The following CUX1 variants were observed in gnomAD, a reference collection of about 807,000 sequenced individuals.
The protein encoded by CUX1 is protein CASP.
CUX1 carries 31 observed loss-of-function variants against 158.8 expected under a neutral mutation model. The ratio of observed to expected loss-of-function variants is 0.20; its 90% confidence interval spans 0.15 to 0.26. CUX1 has a LOEUF of 0.26. Ranked by LOEUF, CUX1 falls within the 10% of genes least tolerant of loss-of-function variation. The pLI is 1.00. For synonymous variants in CUX1, 879 were observed against 862.1 expected (o/e 1.02, Z -0.34); for missense variants, 1,589 against 2,014.6 (o/e 0.79, Z 4.04).
intron 4 of CUX1, among the ~76,000 whole-genome samples, chr7:102,096,847 G>A (rs186712574): frequency 5.9e-5 from 9 of 152,266 alleles, no homozygotes; most frequent in African/African-American, 1.2e-4. Flanking sequence ...CCTCTTTCTC[G>A]AGATTGTTGT....
At chr7:102,274,124 CG>C (rs1563525589) in intron 15 of CUX1, 1 of 933,028 alleles carries the variant, frequency 1.1e-6, no homozygotes, top group South Asian at 1.3e-5. Flanking sequence ...GCCTGCACCC[CG>C]GATGGCCCCA....
chr7:102,174,055 A>AGC (rs1159409523), intron 10 of CUX1, among the ~76,000 whole-genome samples: 2 of 152,128 alleles, frequency 1.3e-5, no homozygotes, highest in Non-Finnish European at 2.9e-5. Context: ...CTAGAAGGTG[A>AGC]GCGGTCACTG....
At chr7:101,852,172 C>T (rs1380603311) in intron 1 of CUX1, among the ~76,000 whole-genome samples, 1 of 151,974 alleles carries the variant, frequency 6.6e-6, no homozygotes, top group African/African-American at 2.4e-5. Context: ...GATGTGTTTT[C>T]TGCAGGAATT....
Position 102,201,024 on chromosome 7 carries a change from C to CAAAAAAAAAAAAAAAAAAAAAAAAAAAAA in CUX1, c.2063-336_2063-335insAAAAAAAAAAAAAAAAAAAAAAAAAAAAA, listed in dbSNP as rs1795369830. Among the ~76,000 whole-genome samples the CAAAAAAAAAAAAAAAAAAAAAAAAAAAAA allele has an allele frequency of 2.3e-5, 1 of 42,830 alleles. No homozygotes were observed. The highest frequency in any genetic ancestry group is 9.4e-5 in the African/African-American group (1 of 10,678). The allele number at this position is 42,830 out of a possible 152,430, so 28.1% of individuals were successfully genotyped here. On this transcript the variant is annotated intron_variant, in intron 17 of 23. Transcript: ENST00000292535. The surrounding 1 kb of genome is among the most constrained non-coding windows in gnomAD (Gnocchi z 5.0). ...CCTGGACAACAGCGAGATCCTGTCG[C>CAAAAAAAAAAAAAAAAAAAAAAAAAAAAA]TAAAAAAAAAAAAAAAAAAAAAAAA...
chr7:101,969,714 A>C (rs1811701490), intron 2 of CUX1, among the ~76,000 whole-genome samples: 1 of 152,142 alleles, frequency 6.6e-6, no homozygotes, highest in Non-Finnish European at 1.5e-5. Flanking sequence ...AAGAAACCCA[A>C]ACTCCTAAAA....
At position 101,890,803 on chromosome 7, in the gene CUX1, AGGCTGT is replaced by A. The variant is rs955275553; in HGVS notation, c.31-25305_31-25300del. ...GGGCAAGTTAACCTCGAACTCTTCC[AGGCTGT>A]GGCTGTTACCGTCACCATCTCCTGC... On this transcript the variant is annotated intron_variant, in intron 1 of 23. Coordinates refer to ENST00000292535, the MANE Select transcript of CUX1 (RefSeq NM_181552.4). Among the ~76,000 whole-genome samples the A allele has an allele frequency of 2.8e-4, 43 of 152,210 alleles. 1 individual carries two copies. Among genetic ancestry groups the A allele is most frequent in the Non-Finnish European group, 1.0e-4 (7 of 68,038 alleles).
intron 2 of CUX1, among the ~76,000 whole-genome samples, chr7:101,949,511 C>CTTTT (rs796728203): frequency 7.3e-6 from 1 of 136,138 alleles, no homozygotes; most frequent in Non-Finnish European, 1.6e-5. Context: ...AGAGTGCTTG[C>CTTTT]TTTTTTTTTT....
intron 1 of CUX1, among the ~76,000 whole-genome samples, chr7:101,852,608 A>C (rs1796384606): frequency 6.6e-6 from 1 of 151,972 alleles, no homozygotes; most frequent in Non-Finnish European, 1.5e-5. Context: ...ACAGAGCAAG[A>C]ACCTGTTGCA....
chr7:101,897,510 AAAATAAT>A (rs1189113003), intron 1 of CUX1, among the ~76,000 whole-genome samples: 1 of 150,794 alleles, frequency 6.6e-6, no homozygotes, highest in African/African-American at 2.4e-5. Context: ...TTAAAAAAAA[AAAATAAT>A]AATAATAAAA....
chr7:101,822,173 A>G (rs968742435), intron 1 of CUX1: 1 of 152,140 alleles, frequency 6.6e-6, no homozygotes, highest in African/African-American at 2.4e-5. Flanking sequence ...TTAAATATTA[A>G]TGGCAGGGCC....
At chr7:102,008,126 C>G (rs1563122871) in intron 2 of CUX1, among the ~76,000 whole-genome samples, 1 of 152,136 alleles carries the variant, frequency 6.6e-6, no homozygotes, top group Non-Finnish European at 1.5e-5. Flanking sequence ...CAGGAGTCAC[C>G]TTCCTGAAGC....
rs151310248 is a variant in CUX1, at chr7:102,256,198, A to C, written c.*7156A>C. The C allele has an allele frequency of 1.0e-6, 1 of 985,294 alleles. No individual in the cohort carries two copies. Among genetic ancestry groups the C allele is most frequent in the South Asian group, 4.7e-5 (1 of 21,292 alleles). 61.0% of individuals were successfully genotyped at this position (985,294 alleles called of 1,614,324 possible). On this transcript the variant is annotated 3_prime_UTR_variant, in exon 24 of 24. Transcript: ENST00000292535. ...GATTCAGAAGCTGAGACCCTTCCCC[A>C]GTGTCTGAGGCCACAGCCATCCCTT...
chr7:102,187,155 G>C (rs1387486523), intron 11 of CUX1: 2 of 152,152 alleles, frequency 1.3e-5, no homozygotes, highest in Admixed American at 6.6e-5. Context: ...GGCCTTCAAA[G>C]AAGACCTGCA....
chr7:102,118,273 C>G (rs1831644670), intron 8 of CUX1, among the ~76,000 whole-genome samples: 2 of 152,188 alleles, frequency 1.3e-5, no homozygotes, highest in Admixed American at 1.3e-4. Flanking sequence ...CGCGGTGGCT[C>G]ACACCTGTAA....
intron 2 of CUX1, among the ~76,000 whole-genome samples, chr7:101,959,817 TTC>T (rs1407179591): frequency 3.7e-4 from 56 of 152,364 alleles, no homozygotes; most frequent in African/African-American, 1.3e-3. Flanking sequence ...CGCGTACATA[TTC>T]TCTGTTTGGA....
At chr7:102,119,837 A>C (rs1831847563) in intron 8 of CUX1, among the ~76,000 whole-genome samples, 1 of 152,118 alleles carries the variant, frequency 6.6e-6, no homozygotes, top group African/African-American at 2.4e-5. Flanking sequence ...ATGAGCCACT[A>C]CGCCTGACAT....
intron 3 of CUX1, among the ~76,000 whole-genome samples, chr7:102,060,249 G>A (rs1432855530): frequency 6.6e-6 from 1 of 151,792 alleles, no homozygotes; most frequent in Admixed American, 6.6e-5. Flanking sequence ...CTGCACTCCA[G>A]CCTGGGAGAC....
At chr7:102,036,999 T>A (rs1287123212) in intron 3 of CUX1, among the ~76,000 whole-genome samples, 1 of 152,164 alleles carries the variant, frequency 6.6e-6, no homozygotes, top group East Asian at 1.9e-4. Context: ...GAGACTAACC[T>A]GGGCAACATG....
At chr7:102,057,926 A>T (rs1824347843) in intron 3 of CUX1, among the ~76,000 whole-genome samples, 1 of 152,222 alleles carries the variant, frequency 6.6e-6, no homozygotes. Context: ...ATACACAGAA[A>T]TCTTGTGTTA....
Sources: allele counts gnomAD v4.1 joint callset (sites outside exome capture counted in the v4.1 genomes callset), GRCh38; gene constraint gnomAD v4.1.1; non-coding constraint Gnocchi (gnomAD v3.1); transcripts MANE v1.5; gene names NCBI Gene and HGNC (gene_info 2026-07-23, HGNC 2026-07-21).